Variants in RCSD1 observed in about 807,000 individuals in gnomAD.
RCSD1 encodes capZ-interacting protein.
In RCSD1, 26 loss-of-function variants were observed where a neutral mutation model predicts 42.5. The ratio of observed to expected loss-of-function variants is 0.61; its 90% CI spans 0.45 to 0.85. The LOEUF is 0.85. RCSD1 is among the 40% of genes least tolerant of loss of function. The pLI, the probability that RCSD1 is intolerant of heterozygous loss-of-function variation, is 0.00. For synonymous variants in RCSD1, 220 were observed against 212.2 expected, an observed-to-expected ratio of 1.04 and a Z score of -0.32; for missense variants, 571 against 528.3, an observed-to-expected ratio of 1.08 and a Z score of -0.79.
intron 1 of RCSD1, among the ~76,000 whole-genome samples, chr1:167,649,939 G>C (rs930427014): frequency 3.3e-5 from 5 of 152,192 alleles, no homozygotes; most frequent in Admixed American, 2.6e-4. Context: ...AAGATGCACT[G>C]TGTGTGTCCA....
At chr1:167,667,467 C>T (rs1417465479) in intron 1 of RCSD1, among the ~76,000 whole-genome samples, 1 of 152,174 alleles carries the variant, frequency 6.6e-6, no homozygotes, top group East Asian at 1.9e-4. Flanking sequence ...AAGCAGCAAA[C>T]AGATATATTC....
At position 167,704,738 on chromosome 1, in the gene RCSD1, A is replaced by G; in HGVS notation, c.*42A>G. 1.3e-6 allele frequency: 2 copies of G among 1,594,964 alleles called. No homozygotes were observed. Among genetic ancestry groups the G allele is most frequent in the Non-Finnish European group, 1.7e-6 (2 of 1,163,984 alleles). ...CCCCAGTGATGAAGTTGCTGGACAC[A>G]TCTCTTTGCAGGTAGCAGCAACAGT... On this transcript the variant is annotated 3_prime_UTR_variant, in exon 7 of 7. Transcript: ENST00000367854.
intron 1 of RCSD1, among the ~76,000 whole-genome samples, chr1:167,647,398 G>A (rs1427159578): frequency 6.6e-6 from 1 of 151,108 alleles, no homozygotes; most frequent in Admixed American, 6.6e-5. Flanking sequence ...AGATCAGCCC[G>A]GGCAACATAG....
chr1:167,634,286 G>A (rs765146953), intron 1 of RCSD1, among the ~76,000 whole-genome samples: 2 of 152,166 alleles, frequency 1.3e-5, no homozygotes, highest in Non-Finnish European at 2.9e-5. Flanking sequence ...GGCTCCTTGA[G>A]GGCAGGGGCC....
At chr1:167,689,181 T>C (rs375198068) in intron 3 of RCSD1, among the ~76,000 whole-genome samples, 4 of 151,678 alleles carry the variant, frequency 2.6e-5, no homozygotes, top group Non-Finnish European at 1.5e-5. Context: ...TCAGTAAATG[T>C]TTACTTGGTT....
intron 1 of RCSD1, among the ~76,000 whole-genome samples, chr1:167,651,624 G>A (rs1046365397): frequency 6.6e-6 from 1 of 152,168 alleles, no homozygotes; most frequent in Non-Finnish European, 1.5e-5. Context: ...TTCTTGGCCT[G>A]TTGCTCCTGC....
intron 1 of RCSD1, among the ~76,000 whole-genome samples, chr1:167,655,818 G>C (rs12068234): frequency 6.6e-6 from 1 of 152,070 alleles, no homozygotes; most frequent in Non-Finnish European, 1.5e-5. Flanking sequence ...TGACAGCCCT[G>C]TAGAACCCGT....
Position 167,704,759 on chromosome 1 carries a change from A to AG in RCSD1, c.*63_*64insG. On this transcript the variant is annotated 3_prime_UTR_variant, in exon 7 of 7. Coordinates refer to ENST00000367854, the MANE Select transcript of RCSD1 (RefSeq NM_052862.4). ...ACACATCTCTTTGCAGGTAGCAGCA[A>AG]CAGTTGTAGCAGCAGCAGACGAAGC... 6.5e-7 allele frequency: 1 copy of AG among 1,529,476 alleles called. No homozygotes were observed. The highest frequency in any genetic ancestry group is 9.0e-7 in the Non-Finnish European group (1 of 1,106,132). 94.7% of individuals were successfully genotyped at this position (1,529,476 alleles called of 1,614,324 possible).
At chr1:167,630,487 CT>C in intron 1 of RCSD1, 58 bp downstream of exon 1, 1 of 1,481,580 alleles carries the variant, frequency 6.7e-7, no homozygotes, top group Non-Finnish European at 9.0e-7. Flanking sequence ...TCGGGCGCCC[CT>C]TCCCCGGGCG....
chr1:167,651,446 C>T (rs1260630904), intron 1 of RCSD1, among the ~76,000 whole-genome samples: 1 of 152,238 alleles, frequency 6.6e-6, no homozygotes, highest in Non-Finnish European at 1.5e-5. Context: ...CACCAGGGCA[C>T]ACTGCATTCT....
At position 167,707,606 on chromosome 1, in the gene RCSD1, T is replaced by C. The variant is rs982262008; in HGVS notation, c.*2910T>C. 1.4e-4 allele frequency among the ~76,000 whole-genome samples: 22 copies of C among 152,158 alleles called. No individual in the cohort carries two copies. The highest frequency in any genetic ancestry group is 5.3e-4 in the African/African-American group (22 of 41,432). Reference sequence around the variant, plus strand: ...TCTTTTTTTTTTCTTTTTTAAAAACTTATTTAATTAGTTTTCCTTAATAGT... The same window carrying C: ...TCTTTTTTTTTTCTTTTTTAAAAACCTATTTAATTAGTTTTCCTTAATAGT... On this transcript the variant is annotated 3_prime_UTR_variant, in exon 7 of 7. Transcript: ENST00000367854.
intron 1 of RCSD1, among the ~76,000 whole-genome samples, chr1:167,655,324 T>G (rs1658399608): frequency 6.6e-6 from 1 of 152,186 alleles, no homozygotes; most frequent in Non-Finnish European, 1.5e-5. Context: ...TCAAACCAGA[T>G]ATCGCTTTGT....
chr1:167,686,530 A>G (rs551679392), intron 3 of RCSD1, among the ~76,000 whole-genome samples: 42 of 152,336 alleles, frequency 2.8e-4, no homozygotes, highest in African/African-American at 9.9e-4. Flanking sequence ...CCCCAGGCCA[A>G]GTGAGATGGG....
At chr1:167,660,215 C>A (rs1312142079) in intron 1 of RCSD1, among the ~76,000 whole-genome samples, 1 of 152,180 alleles carries the variant, frequency 6.6e-6, no homozygotes, top group Non-Finnish European at 1.5e-5. Flanking sequence ...TTAGATGAGG[C>A]CCCTGATGCT....
chr1:167,691,425 G>C (rs568459877), intron 4 of RCSD1, among the ~76,000 whole-genome samples: 4 of 152,336 alleles, frequency 2.6e-5, no homozygotes, highest in South Asian at 2.1e-4. Context: ...TGTTCCCCGT[G>C]GGGGAATGGC....
chr1:167,683,167 G>A (rs192786646), intron 1 of RCSD1, among the ~76,000 whole-genome samples: 118 of 152,350 alleles, frequency 7.7e-4, no homozygotes, highest in Non-Finnish European at 9.6e-4. Flanking sequence ...AAGACTCACC[G>A]CCAGTAACAA....
At chr1:167,669,202 A>G (rs534964184) in intron 1 of RCSD1, among the ~76,000 whole-genome samples, 41 of 152,384 alleles carry the variant, frequency 2.7e-4, no homozygotes, top group African/African-American at 9.9e-4. Flanking sequence ...AGAATTTTCA[A>G]GGGATCATGG....
chr1:167,639,088 G>C (rs1476116012), intron 1 of RCSD1, among the ~76,000 whole-genome samples: 1 of 152,086 alleles, frequency 6.6e-6, no homozygotes, highest in Non-Finnish European at 1.5e-5. Flanking sequence ...ATGGTGGCAG[G>C]CACCTGTAGT....
At chr1:167,676,979 G>A (rs1039189206) in intron 1 of RCSD1, among the ~76,000 whole-genome samples, 1 of 152,326 alleles carries the variant, frequency 6.6e-6, no homozygotes, top group Non-Finnish European at 1.5e-5. Flanking sequence ...AGCACCTCCT[G>A]GGATTCTCCC....
Sources: allele counts gnomAD v4.1 joint callset (sites outside exome capture counted in the v4.1 genomes callset), GRCh38; gene constraint gnomAD v4.1.1; transcripts MANE v1.5; gene names NCBI Gene and HGNC (gene_info 2026-07-23, HGNC 2026-07-21).